The following LRRC4C variants were observed in gnomAD, a reference collection of about 807,000 sequenced individuals.
LRRC4C encodes leucine rich repeat containing 4C.
LRRC4C carries 5 observed loss-of-function variants against 33.6 expected under a neutral mutation model. The ratio of observed to expected loss-of-function variants is 0.15; its 90% CI spans 0.08 to 0.31. The LOEUF (loss-of-function observed/expected upper bound fraction) is 0.31, where lower values mean the gene tolerates loss of function less well. Among genes scored for constraint, LRRC4C ranks in the 10% least tolerant of loss-of-function variants. LRRC4C has a pLI of 1.00. For missense variants in LRRC4C, 560 were observed against 796.7 expected (o/e 0.70, Z 3.58); for synonymous variants, 329 against 302.0 (o/e 1.09, Z -0.93).
intron 2 of LRRC4C, among the ~76,000 whole-genome samples, chr11:40,745,040 C>T (rs1208691062): frequency 6.6e-6 from 1 of 152,052 alleles, no homozygotes; most frequent in Admixed American, 6.6e-5. Flanking sequence ...AACATAAAAG[C>T]ACTAAGCAAA....
rs1391634936 is a variant in LRRC4C, at chr11:40,615,259, TATATATACACAC to T, written c.-270+32871_-270+32882del. On this transcript the variant is annotated intron_variant, in intron 3 of 6. Coordinates refer to ENST00000528697, the MANE Select transcript of LRRC4C (RefSeq NM_001258419.2). ...TATTTTATATATATATATATATATATATATATACACACACACACACATATGTATATTCACATA... is the reference window on the plus strand; with the variant it reads ...TATTTTATATATATATATATATATATACACACACATATGTATATTCACATA... Among the ~76,000 whole-genome samples, 480 of 51,602 alleles carry T rather than the reference TATATATACACAC, an allele frequency of 9.3e-3. 2 individuals carry two copies. The Middle Eastern group carries it at 0.16, about 17-fold the overall frequency. The allele number at this position is 51,602 out of a possible 152,430, so 33.9% of individuals were successfully genotyped here. A position where few individuals can be genotyped will look rare whatever the true frequency, so the allele number is the denominator to read the frequency against.
chr11:40,492,939 C>T (rs1954237045), intron 3 of LRRC4C, among the ~76,000 whole-genome samples: 1 of 151,964 alleles, frequency 6.6e-6, no homozygotes, highest in Admixed American at 6.6e-5. Flanking sequence ...TATACTATCA[C>T]CTTTAATTCC....
At chr11:41,183,777 C>G (rs1211257564) in intron 1 of LRRC4C, among the ~76,000 whole-genome samples, 1 of 152,190 alleles carries the variant, frequency 6.6e-6, no homozygotes, top group African/African-American at 2.4e-5. Context: ...CTCACATTTC[C>G]CTTCCACACT....
chr11:40,500,511 G>A (rs1954707754), intron 3 of LRRC4C, among the ~76,000 whole-genome samples: 2 of 151,870 alleles, frequency 1.3e-5, no homozygotes, highest in Admixed American at 1.3e-4. Context: ...GGCTCAGGAG[G>A]CCTCACAATC....
rs141936692 is a variant in LRRC4C at position 40,244,486 on chromosome 11, G to A, written c.-175-2888C>T. 7.4e-3 allele frequency among the ~76,000 whole-genome samples: 1,130 copies of A among 152,214 alleles called. 14 individuals are homozygous for A. Among genetic ancestry groups the A allele is most frequent in the African/African-American group, 0.026 (1,086 of 41,520 alleles). ...TGTCAATACACCTGGATAGACTTTC[G>A]CCACAAACCATTGTCTGCTCTGCAG... On this transcript the variant is annotated intron_variant, in intron 4 of 6. Transcript: ENST00000528697.
intron 1 of LRRC4C, among the ~76,000 whole-genome samples, chr11:41,270,234 T>A (rs1404845546): frequency 2.0e-5 from 3 of 152,122 alleles, no homozygotes; most frequent in Non-Finnish European, 4.4e-5. Context: ...ACTCCTTCAG[T>A]GCAAAACCTC....
intron 1 of LRRC4C, among the ~76,000 whole-genome samples, chr11:41,005,360 T>C (rs950810956): frequency 2.0e-5 from 3 of 152,130 alleles, no homozygotes; most frequent in Admixed American, 6.5e-5. Context: ...TCCCAGCACT[T>C]TGGGAGGCCA....
chr11:40,820,267 A>G (rs7929997), intron 2 of LRRC4C, among the ~76,000 whole-genome samples: 138,999 of 152,016 alleles, frequency 0.91, 63,707 homozygotes, highest in East Asian at 1. Flanking sequence ...ACATTTTTAC[A>G]TGATGTAAAG....
At chr11:40,917,031 T>G (rs955149059) in intron 2 of LRRC4C, among the ~76,000 whole-genome samples, 14 of 152,280 alleles carry the variant, frequency 9.2e-5, no homozygotes, top group Admixed American at 7.9e-4. Flanking sequence ...TAGTAAAAAT[T>G]TATACATATA....
At chr11:40,344,249 TCAA>T (rs1947016838) in intron 3 of LRRC4C, among the ~76,000 whole-genome samples, 1 of 152,030 alleles carries the variant, frequency 6.6e-6, no homozygotes, top group Non-Finnish European at 1.5e-5. Context: ...GCAAAAATCA[TCAA>T]CAAGACACTA....
At chr11:40,669,123 A>C (rs1353740611) in intron 2 of LRRC4C, among the ~76,000 whole-genome samples, 1 of 152,146 alleles carries the variant, frequency 6.6e-6, no homozygotes, top group East Asian at 1.9e-4. Flanking sequence ...AACCAACTTA[A>C]TATTTTGCTG....
chr11:40,563,529 A>G (rs563291388), intron 3 of LRRC4C, among the ~76,000 whole-genome samples: 2 of 152,272 alleles, frequency 1.3e-5, no homozygotes, highest in Admixed American at 1.3e-4. Context: ...GTTAAAGGCT[A>G]AGTAAGGGTC....
chr11:40,436,087 C>G (rs1951127371), intron 3 of LRRC4C, among the ~76,000 whole-genome samples: 1 of 152,072 alleles, frequency 6.6e-6, no homozygotes, highest in South Asian at 2.1e-4. Context: ...AAAATCTTAC[C>G]TTTCCATTAC....
At chr11:40,594,486 T>A (rs1215084483) in intron 3 of LRRC4C, among the ~76,000 whole-genome samples, 1 of 152,202 alleles carries the variant, frequency 6.6e-6, no homozygotes, top group Non-Finnish European at 1.5e-5. Context: ...CCTCCCTAAT[T>A]AAGAGTCAAG....
chr11:40,252,799 T>C (rs937844623), intron 4 of LRRC4C, among the ~76,000 whole-genome samples: 2 of 152,218 alleles, frequency 1.3e-5, no homozygotes, highest in Admixed American at 1.3e-4. Flanking sequence ...TCCATATATA[T>C]GGCATATTTT....
intron 3 of LRRC4C, among the ~76,000 whole-genome samples, chr11:40,470,369 C>T (rs149127957): frequency 0.026 from 4,024 of 152,218 alleles, 68 homozygotes; most frequent in Middle Eastern, 0.034. Context: ...ACACAAAAAC[C>T]CCATCTGAAG....
At position 40,288,095 on chromosome 11, in the gene LRRC4C, C is replaced by T. The variant is rs545694979; in HGVS notation, c.-176+31533G>A. On this transcript the variant is annotated intron_variant, in intron 4 of 6. Coordinates refer to ENST00000528697, the MANE Select transcript of LRRC4C (RefSeq NM_001258419.2). ...GATCTCATCCTCACGGCAGACAGTT[C>T]CATGCAGTTGTTATTACCTCTATTT... is the stretch of plus-strand genomic sequence containing the variant. 2.0e-5 allele frequency among the ~76,000 whole-genome samples: 3 copies of T among 152,234 alleles called. No homozygotes were observed. The East Asian group carries it at 5.8e-4, about 29-fold the overall frequency.
chr11:40,247,667 T>C (rs1258472496), intron 4 of LRRC4C, among the ~76,000 whole-genome samples: 14 of 152,018 alleles, frequency 9.2e-5, no homozygotes, highest in African/African-American at 3.4e-4. Context: ...TTTTTGTGTG[T>C]GCGTTTTTTG....
rs75420429 is a variant in LRRC4C, at chr11:40,392,023, C to A, written c.-269-72302G>T. Among the ~76,000 whole-genome samples the A allele has an allele frequency of 7.4e-3, 1,120 of 152,186 alleles. 13 individuals carry two copies. Among genetic ancestry groups the A allele is most frequent in the African/African-American group, 0.026 (1,059 of 41,514 alleles). ...ATGGATAAATCTTAAATGCATATTG[C>A]TAAGTAGAGGAAGCCAGTATAAAAA... On this transcript the variant is annotated intron_variant, in intron 3 of 6. Coordinates refer to ENST00000528697, the MANE Select transcript of LRRC4C (RefSeq NM_001258419.2).
Sources: allele counts gnomAD v4.1 joint callset (sites outside exome capture counted in the v4.1 genomes callset), GRCh38; gene constraint gnomAD v4.1.1; transcripts MANE v1.5; gene names NCBI Gene and HGNC (gene_info 2026-07-23, HGNC 2026-07-21).